The following PHF20 variants were observed in gnomAD, a reference collection of about 807,000 sequenced individuals.
The protein encoded by PHF20 is glioma-expressed antigen 2.
Under a neutral mutation model 113.5 loss-of-function variants are expected in PHF20, and 23 were observed. The ratio of observed to expected loss-of-function variants is 0.20; its 90% confidence interval spans 0.15 to 0.29. The LOEUF is 0.29. PHF20 is among the 10% of genes least tolerant of loss of function. The pLI, the probability that PHF20 is intolerant of heterozygous loss-of-function variation, is 1.00. For synonymous variants in PHF20, 434 were observed against 457.3 expected (o/e 0.95, Z 0.65); for missense variants, 943 against 1,219.6 (o/e 0.77, Z 3.38).
At chr20:35,824,033 A>G (rs950154237) in intron 2 of PHF20, among the ~76,000 whole-genome samples, 6 of 152,234 alleles carry the variant, frequency 3.9e-5, no homozygotes. Context: ...ATAAACATTT[A>G]TATATAGGTT....
chr20:35,919,219 G>T (rs759590103), intron 13 of PHF20, among the ~76,000 whole-genome samples: 63 of 151,836 alleles, frequency 4.1e-4, no homozygotes, highest in Non-Finnish European at 7.4e-5. Context: ...GTTTCTCCAT[G>T]TTGGTCAGGC....
intron 1 of PHF20, among the ~76,000 whole-genome samples, chr20:35,786,086 G>A (rs1249302819): frequency 1.3e-5 from 2 of 149,998 alleles, no homozygotes; most frequent in East Asian, 2.0e-4. Flanking sequence ...CTGGTCAGGT[G>A]TGTTTAAAAA....
chr20:35,911,195 C>T (rs1451973908), intron 10 of PHF20, among the ~76,000 whole-genome samples: 1 of 152,132 alleles, frequency 6.6e-6, no homozygotes, highest in Non-Finnish European at 1.5e-5. Flanking sequence ...CGCCCGCTAC[C>T]ACGCCCGGCT....
chr20:35,915,193 T>C (rs2055380930), intron 12 of PHF20, among the ~76,000 whole-genome samples: 1 of 150,426 alleles, frequency 6.6e-6, no homozygotes. Context: ...ACTTGCTGCA[T>C]TGGCCAGTGT....
intron 17 of PHF20, 32 bp from the exon 18 acceptor site, chr20:35,947,453 C>T (rs1325540968): frequency 6.2e-7 from 1 of 1,607,650 alleles, no homozygotes; most frequent in Non-Finnish European, 8.5e-7. Flanking sequence ...GTTGGGAGTT[C>T]ACTAGGTCTC....
chr20:35,781,104 C>T (rs1258764066), intron 1 of PHF20, among the ~76,000 whole-genome samples: 7 of 151,784 alleles, frequency 4.6e-5, no homozygotes, highest in South Asian at 2.1e-4. Flanking sequence ...CCACCCACCT[C>T]GGCCTAAAGT....
intron 10 of PHF20, among the ~76,000 whole-genome samples, chr20:35,912,629 C>G (rs377240862): frequency 2.6e-5 from 4 of 152,194 alleles, no homozygotes; most frequent in African/African-American, 9.6e-5. Context: ...GTCAGGAGTT[C>G]AAGACCAGCC....
chr20:35,795,203 A>G (rs1226250044), intron 1 of PHF20, among the ~76,000 whole-genome samples: 2 of 151,788 alleles, frequency 1.3e-5, no homozygotes, highest in African/African-American at 4.8e-5. Flanking sequence ...AAAAAAAAAA[A>G]AAAGGAAGAA....
At chr20:35,831,726 C>G (rs538843182) in intron 2 of PHF20, among the ~76,000 whole-genome samples, 113 of 152,316 alleles carry the variant, frequency 7.4e-4, no homozygotes, top group African/African-American at 2.5e-3. Context: ...CAGGTATGGG[C>G]CACTGCGCCC....
At chr20:35,937,443 G>A (rs1040145924) in intron 15 of PHF20, among the ~76,000 whole-genome samples, 8 of 151,572 alleles carry the variant, frequency 5.3e-5, no homozygotes, top group Non-Finnish European at 7.4e-5. Flanking sequence ...ACTCCAGCCT[G>A]GGCAACAAGA....
chr20:35,774,246 G>A (rs1237565431), intron 1 of PHF20, among the ~76,000 whole-genome samples: 3 of 151,892 alleles, frequency 2.0e-5, no homozygotes, highest in South Asian at 4.2e-4. Context: ...CACCGCGCCC[G>A]TCTAATTTTT....
chr20:35,798,330 A>G (rs562574773), intron 1 of PHF20, among the ~76,000 whole-genome samples: 2 of 152,262 alleles, frequency 1.3e-5, no homozygotes, highest in Admixed American at 1.3e-4. Context: ...GGAGGATCAC[A>G]TGAGCCCAGG....
chr20:35,833,426 A>G (rs1345377345), intron 2 of PHF20, among the ~76,000 whole-genome samples: 1 of 152,166 alleles, frequency 6.6e-6, no homozygotes, highest in African/African-American at 2.4e-5. Flanking sequence ...CCATGTGCAT[A>G]TATCCCCTCC....
chr20:35,899,350 T>C lies in PHF20; in HGVS notation c.1283-20T>C, dbSNP rs760124939. 10 of 1,587,194 alleles carry C rather than the reference T, an allele frequency of 6.3e-6. No individual in the cohort carries two copies. Among genetic ancestry groups the C allele is most frequent in the Non-Finnish European group, 8.6e-6 (10 of 1,163,890 alleles). Reference sequence around the variant, plus strand: ...GGGATAAATACAAGGAACCTTTGCTTTTGTTTTTATTTTTTTCAGTAACAA... The same window carrying C: ...GGGATAAATACAAGGAACCTTTGCTCTTGTTTTTATTTTTTTCAGTAACAA... On this transcript the variant is annotated intron_variant, in intron 9 of 17. Coordinates refer to ENST00000374012, the MANE Select transcript of PHF20 (RefSeq NM_016436.5).
intron 9 of PHF20, among the ~76,000 whole-genome samples, chr20:35,874,508 G>A (rs571513313): frequency 6.6e-6 from 1 of 151,142 alleles, no homozygotes; most frequent in Non-Finnish European, 1.5e-5. Flanking sequence ...TTTAAAGATA[G>A]AGTCTCACTC....
chr20:35,802,938 GAA>G (rs768194320), intron 2 of PHF20, among the ~76,000 whole-genome samples: 5,115 of 68,984 alleles, frequency 0.074, 120 homozygotes, highest in African/African-American at 0.13. Flanking sequence ...GACTCGGTCT[GAA>G]AAAAAAAAAA....
At chr20:35,895,388 C>T (rs368834817) in intron 9 of PHF20, among the ~76,000 whole-genome samples, 4 of 152,124 alleles carry the variant, frequency 2.6e-5, no homozygotes, top group Admixed American at 2.0e-4. Context: ...GAACTCCTGA[C>T]TGCAAGTGAT....
At chr20:35,924,053 G>A (rs1213348773) in intron 13 of PHF20, among the ~76,000 whole-genome samples, 1 of 152,054 alleles carries the variant, frequency 6.6e-6, no homozygotes, top group African/African-American at 2.4e-5. Flanking sequence ...ACCCTGCCCT[G>A]CCTAAAAGTT....
chr20:35,902,037 G>C (rs1460830830), intron 10 of PHF20, among the ~76,000 whole-genome samples: 1 of 152,158 alleles, frequency 6.6e-6, no homozygotes, highest in Non-Finnish European at 1.5e-5. Context: ...GTGTGGGGAA[G>C]TGGATTTCCT....
Sources: gnomAD v4.1 joint callset for allele counts (sites outside exome capture counted in the v4.1 genomes callset) on GRCh38, gnomAD v4.1.1 for gene constraint, MANE v1.5 for transcripts, NCBI Gene and HGNC (gene_info 2026-07-23, HGNC 2026-07-21) for gene names.